Variants in ESRRB observed in about 807,000 individuals in gnomAD.
ESRRB encodes estrogen related receptor beta.
In ESRRB, 16 loss-of-function variants were observed where a neutral mutation model predicts 46.0. The ratio of observed to expected loss-of-function variants is 0.35; its 90% CI spans 0.24 to 0.53. ESRRB has a LOEUF of 0.53. Among genes scored for constraint, ESRRB ranks in the 20% least tolerant of loss-of-function variants. The pLI is 0.93. For missense variants in ESRRB, 488 were observed against 607.4 expected (o/e 0.80, Z 2.07); for synonymous variants, 246 against 259.6 (o/e 0.95, Z 0.50).
chr14:76,328,525 C>T (rs1883963822), intron 1 of ESRRB, among the ~76,000 whole-genome samples: 1 of 151,458 alleles, frequency 6.6e-6, no homozygotes, highest in South Asian at 2.1e-4. Context: ...AAGGCCAGGG[C>T]CCTTCTTGCC....
intron 1 of ESRRB, among the ~76,000 whole-genome samples, chr14:76,332,227 G>A (rs1400539183): frequency 3.3e-5 from 5 of 151,432 alleles, no homozygotes; most frequent in Non-Finnish European, 7.4e-5. Context: ...AACCAAGTTA[G>A]AATCTGCGTG....
intron 1 of ESRRB, among the ~76,000 whole-genome samples, chr14:76,379,916 T>C (rs1374255959): frequency 6.6e-6 from 1 of 151,730 alleles, no homozygotes; most frequent in Non-Finnish European, 1.5e-5. Flanking sequence ...AGGAATCTTT[T>C]TATTCTATTG....
intron 1 of ESRRB, among the ~76,000 whole-genome samples, chr14:76,359,374 C>T (rs1273934837): frequency 6.6e-6 from 1 of 152,228 alleles, no homozygotes; most frequent in African/African-American, 2.4e-5. Flanking sequence ...ACACAAGTGA[C>T]TGCCTTTTAT....
chr14:76,331,486 G>A lies in ESRRB; in HGVS notation c.2+20570G>A, dbSNP rs185385670. Among the ~76,000 whole-genome samples the A allele has an allele frequency of 2.5e-3, 375 of 152,280 alleles. 2 individuals are homozygous for A. Among genetic ancestry groups the A allele is most frequent in the African/African-American group, 8.7e-3 (363 of 41,558 alleles). On this transcript the variant is annotated intron_variant, in intron 1 of 6. Coordinates refer to the ESRRB transcript ENST00000512784. ...TGTGTTCGCTCCTGCTCTTAAAGAC[G>A]TGAGAGGGAGGAAGTGTGTGTGGTT...
At chr14:76,336,533 C>T (rs1303065694) in intron 1 of ESRRB, among the ~76,000 whole-genome samples, 1 of 152,214 alleles carries the variant, frequency 6.6e-6, no homozygotes, top group Non-Finnish European at 1.5e-5. Flanking sequence ...GGCTTTCAGA[C>T]CCCCTGGTCC....
chr14:76,320,399 G>A (rs7160164), intron 1 of ESRRB, among the ~76,000 whole-genome samples: 4,819 of 152,198 alleles, frequency 0.032, 269 homozygotes, highest in African/African-American at 0.11. Flanking sequence ...AAAAGAAATC[G>A]GTAGACCAGA....
chr14:76,458,425 GACACACACACACACACACACACAC>G (rs58562150), intron 2 of ESRRB, among the ~76,000 whole-genome samples: 5 of 134,856 alleles, frequency 3.7e-5, no homozygotes, highest in African/African-American at 8.0e-5. Context: ...CTCTCTCTCT[GACACACACACACACACACACACAC>G]ACACACACAC....
chr14:76,475,074 T>A (rs192180900), intron 3 of ESRRB, among the ~76,000 whole-genome samples: 9 of 151,078 alleles, frequency 6.0e-5, no homozygotes, highest in East Asian at 2.0e-4. Flanking sequence ...TGCAAAAAAA[T>A]TTTTAAAAAA....
At chr14:76,442,459 G>C (rs113579134) in intron 2 of ESRRB, among the ~76,000 whole-genome samples, 6 of 152,016 alleles carry the variant, frequency 3.9e-5, no homozygotes, top group African/African-American at 1.4e-4. Flanking sequence ...CTGGGCAACA[G>C]AGCAAGATCC....
At chr14:76,332,544 ATATT>A (rs1884026775) in intron 1 of ESRRB, among the ~76,000 whole-genome samples, 4 of 82,290 alleles carry the variant, frequency 4.9e-5, no homozygotes, top group Admixed American at 2.3e-4. Context: ...AATATAATAT[ATATT>A]TATATAATAT....
At chr14:76,388,426 C>T (rs1283794497) in intron 1 of ESRRB, among the ~76,000 whole-genome samples, 1 of 152,092 alleles carries the variant, frequency 6.6e-6, no homozygotes, top group East Asian at 1.9e-4. Flanking sequence ...ACCTCGTGAT[C>T]CATCTGCCTC....
intron 1 of ESRRB, among the ~76,000 whole-genome samples, chr14:76,354,397 C>T (rs1299287025): frequency 6.6e-6 from 1 of 152,058 alleles, no homozygotes; most frequent in South Asian, 2.1e-4. Context: ...AGTGCTCCTG[C>T]GATGAAGCCA....
rs533820676 is a variant in ESRRB, at chr14:76,329,809, A to G, written c.2+18893A>G. ...ATTAGCAATCTCTTCATTTCCAATC[A>G]AAGCACAAAGCGGCCCCAAAAGCCT... On this transcript the variant is annotated intron_variant, in intron 1 of 6. Transcript: ENST00000512784. Among the ~76,000 whole-genome samples, 4 of 152,262 alleles carry G rather than the reference A, an allele frequency of 2.6e-5. No homozygotes were observed. In the East Asian group the frequency reaches 7.7e-4, roughly 29 times the overall value.
Position 76,439,753 on chromosome 14 carries a change from G to A in ESRRB, c.460+3G>A. The stretch of plus-strand genomic sequence containing the variant: ...CTTCTTCAAGAGGACTATCCAAGGT[G>A]CGTGGTGGGCCTCAAGGAGCCTGGG... On this transcript the variant is annotated splice_donor_region_variant and intron_variant, in intron 2 of 6. Coordinates refer to ENST00000644823, the MANE Select transcript of ESRRB (RefSeq NM_001379180.1). 6.2e-7 allele frequency: 1 copy of A among 1,612,788 alleles called. No homozygotes were observed. Among genetic ancestry groups the A allele is most frequent in the Non-Finnish European group, 8.5e-7 (1 of 1,178,846 alleles).
In ESRRB at chr14:76,469,937, TTTTTTTC is replaced by T. The variant is rs1566603833; in HGVS notation, c.577+7283_577+7289del. Among the ~76,000 whole-genome samples the T allele has an allele frequency of 3.2e-3, 390 of 123,732 alleles. 15 individuals carry two copies. Among genetic ancestry groups the T allele is most frequent in the Non-Finnish European group, 4.5e-3 (249 of 55,754 alleles). The allele number at this position is 123,732 out of a possible 152,430, so 81.2% of individuals were successfully genotyped here. ...AGGCTGTGTTTTTTGTTGTTTTTTT[TTTTTTTC>T]TTTTTTTTTTTTTTTTTTTTTGAGA... On this transcript the variant is annotated intron_variant, in intron 3 of 6. Transcript: ENST00000644823.
chr14:76,328,615 T>C (rs937382035), intron 1 of ESRRB, among the ~76,000 whole-genome samples: 2 of 140,844 alleles, frequency 1.4e-5, no homozygotes, highest in African/African-American at 5.2e-5. Context: ...TTGAGTCCCA[T>C]GCACCAGCTA....
intron 1 of ESRRB, among the ~76,000 whole-genome samples, chr14:76,315,606 G>T (rs143582185): frequency 1.5e-4 from 23 of 152,316 alleles, no homozygotes; most frequent in African/African-American, 5.3e-4. Flanking sequence ...CTTAGCCCTG[G>T]GCCCAATAGG....
chr14:76,433,859 G>T (rs1315364703), intron 1 of ESRRB, among the ~76,000 whole-genome samples: 1 of 151,938 alleles, frequency 6.6e-6, no homozygotes, highest in Non-Finnish European at 1.5e-5. Context: ...AGATGGCTCT[G>T]CTCATCCAAT....
At chr14:76,395,854 C>T (rs1290225656) in intron 1 of ESRRB, among the ~76,000 whole-genome samples, 1 of 110,594 alleles carries the variant, frequency 9.0e-6, no homozygotes. Flanking sequence ...GGGTGGGGGG[C>T]GGGGTTGAGA....
Sources: gnomAD v4.1 joint callset for allele counts (sites outside exome capture counted in the v4.1 genomes callset) on GRCh38, gnomAD v4.1.1 for gene constraint, MANE v1.5 for transcripts, NCBI Gene and HGNC (gene_info 2026-07-23, HGNC 2026-07-21) for gene names.